NYAP2: variants seen among roughly 807,000 people sequenced by gnomAD.
The protein encoded by NYAP2 is neuronal tyrosine-phosphorylated phosphoinositide-3-kinase adaptor 2.
NYAP2 carries 23 observed loss-of-function variants against 50.4 expected under a neutral mutation model. The observed-to-expected ratio is 0.46, with a 90% CI of 0.33 to 0.65. NYAP2 has a LOEUF of 0.65. NYAP2 is among the 30% of genes least tolerant of loss of function. The pLI, the probability that NYAP2 is intolerant of heterozygous loss-of-function variation, is 0.02. For synonymous variants in NYAP2, 394 were observed against 365.2 expected (o/e 1.08, Z -0.90); for missense variants, 885 against 861.0 (o/e 1.03, Z -0.35).
At chr2:225,461,737 G>A (rs1472681685) in intron 3 of NYAP2, among the ~76,000 whole-genome samples, 1 of 152,106 alleles carries the variant, frequency 6.6e-6, no homozygotes, top group Non-Finnish European at 1.5e-5. Context: ...AATCTTCATT[G>A]ACAAAAGCAG....
At chr2:225,479,717 G>A (rs1690174982) in intron 3 of NYAP2, among the ~76,000 whole-genome samples, 1 of 151,650 alleles carries the variant, frequency 6.6e-6, no homozygotes. Context: ...TATATTTTGT[G>A]CTATGATTAG....
At chr2:225,492,674 G>A (rs1308111084) in intron 3 of NYAP2, among the ~76,000 whole-genome samples, 7 of 152,144 alleles carry the variant, frequency 4.6e-5, no homozygotes, top group Non-Finnish European at 8.8e-5. Flanking sequence ...TTCTGGAGAG[G>A]CCTCAGGAAG....
chr2:225,642,341 T>G (rs1435864516), intron 6 of NYAP2, among the ~76,000 whole-genome samples: 1 of 152,114 alleles, frequency 6.6e-6, no homozygotes, highest in Non-Finnish European at 1.5e-5. Context: ...TAAAAACCAC[T>G]AACATTTCTT....
the NYAP2 span, among the ~76,000 whole-genome samples, chr2:225,660,756 A>C: frequency 6.6e-6 from 1 of 152,216 alleles, no homozygotes; most frequent in Non-Finnish European, 1.5e-5. Context: ...GATAATAAGC[A>C]AAACGCCTGT....
At position 225,507,486 on chromosome 2, in the gene NYAP2, T is replaced by A. The variant is rs75501165; in HGVS notation, c.222-5885T>A. Among the ~76,000 whole-genome samples the A allele has an allele frequency of 5.1e-4, 78 of 152,346 alleles. No individual in the cohort carries two copies. In the East Asian group the frequency reaches 0.014, roughly 27 times the overall value. Reference sequence around the variant, plus strand: ...GTTTTGAAGTGCTTGTTTTGTACTTTTCTTTATCGGTCCTAATCAGCAGGT... The same window carrying A: ...GTTTTGAAGTGCTTGTTTTGTACTTATCTTTATCGGTCCTAATCAGCAGGT... On this transcript the variant is annotated intron_variant, in intron 3 of 6. Transcript: ENST00000636099.
At chr2:225,517,751 A>G (rs1003781900) in intron 4 of NYAP2, among the ~76,000 whole-genome samples, 34 of 152,140 alleles carry the variant, frequency 2.2e-4, no homozygotes, top group African/African-American at 8.2e-4. Flanking sequence ...TATATTAAAA[A>G]CAAAGAGGAA....
chr2:225,508,239 C>A (rs577654318), intron 3 of NYAP2, among the ~76,000 whole-genome samples: 10 of 152,136 alleles, frequency 6.6e-5, no homozygotes, highest in Non-Finnish European at 1.3e-4. Flanking sequence ...CTTATTGCAA[C>A]AAGACTCTTT....
chr2:225,701,045 G>A, the NYAP2 span: 1 of 151,744 alleles, frequency 6.6e-6, no homozygotes, highest in Admixed American at 6.6e-5. Context: ...CTACTTAAGT[G>A]GAAAGTGACT....
intron 3 of NYAP2, among the ~76,000 whole-genome samples, chr2:225,449,726 G>A (rs1356061939): frequency 4.0e-5 from 6 of 149,214 alleles, no homozygotes; most frequent in Non-Finnish European, 5.9e-5. Flanking sequence ...CTCTTGCCTC[G>A]GCCTCCCAAG....
intron 3 of NYAP2, among the ~76,000 whole-genome samples, chr2:225,496,364 A>G (rs1482746775): frequency 1.3e-5 from 2 of 152,164 alleles, no homozygotes; most frequent in Non-Finnish European, 2.9e-5. Flanking sequence ...GCCAGGGAAT[A>G]TGTGTATATT....
exon 3 of NYAP2, chr2:225,408,997 G>A (rs916212363): frequency 2.2e-5 from 35 of 1,612,328 alleles, no homozygotes; most frequent in Middle Eastern, 1.6e-4. Context: ...TTCAGAATGC[G>A]TCAGATATTG....
At chr2:225,574,116 C>T (rs945748714) in intron 4 of NYAP2, among the ~76,000 whole-genome samples, 6 of 152,170 alleles carry the variant, frequency 3.9e-5, no homozygotes, top group Middle Eastern at 3.2e-3. Context: ...ATCTAAGTCA[C>T]GCCCATGTGC....
At chr2:225,477,254 T>TTTTTTTTTA (rs1690129733) in intron 3 of NYAP2, among the ~76,000 whole-genome samples, 1 of 148,356 alleles carries the variant, frequency 6.7e-6, no homozygotes, top group African/African-American at 2.5e-5. Context: ...TTTTTTTTTT[T>TTTTTTTTTA]GAGACGGAGT....
chr2:225,410,485 T>C (rs1179646668), intron 3 of NYAP2, among the ~76,000 whole-genome samples: 1 of 152,086 alleles, frequency 6.6e-6, no homozygotes, highest in African/African-American at 2.4e-5. Context: ...GCATTTAACT[T>C]TAGTTTTATG....
chr2:225,400,234 A>G (rs1694838232), exon 1 of NYAP2: 1 of 152,124 alleles, frequency 6.6e-6, no homozygotes, highest in Non-Finnish European at 1.5e-5. Context: ...CAGAGAAGAA[A>G]GATTACTGCT....
chr2:225,521,808 T>G (rs1691064405), intron 4 of NYAP2, among the ~76,000 whole-genome samples: 1 of 152,110 alleles, frequency 6.6e-6, no homozygotes, highest in Non-Finnish European at 1.5e-5. Context: ...TACGGAGGAT[T>G]CCCTCTTTTT....
At chr2:225,509,775 C>A (rs1168235396) in intron 3 of NYAP2, among the ~76,000 whole-genome samples, 2 of 152,186 alleles carry the variant, frequency 1.3e-5, no homozygotes, top group Non-Finnish European at 2.9e-5. Context: ...GTTGTCTCGT[C>A]AATTAACTTC....
At chr2:225,578,891 A>G (rs1325058889) in intron 4 of NYAP2, among the ~76,000 whole-genome samples, 1 of 152,178 alleles carries the variant, frequency 6.6e-6, no homozygotes, top group Admixed American at 6.5e-5. Context: ...GGTTTAAATT[A>G]GAGAAATTTT....
the NYAP2 span, among the ~76,000 whole-genome samples, chr2:225,685,036 G>T: frequency 4.3e-3 from 659 of 152,170 alleles, 9 homozygotes; most frequent in African/African-American, 0.015. Context: ...AATGTACTTA[G>T]GCTCATTTTG....
Sources: gnomAD v4.1 joint callset for allele counts (sites outside exome capture counted in the v4.1 genomes callset) on GRCh38, gnomAD v4.1.1 for gene constraint, MANE v1.5 for transcripts, NCBI Gene and HGNC (gene_info 2026-07-23, HGNC 2026-07-21) for gene names.